SMIM41: variants seen among roughly 807,000 people sequenced by gnomAD.
SMIM41 encodes the protein small integral membrane protein 41.
intron 1 of SMIM41, among the ~76,000 whole-genome samples, chr12:52,083,409 G>A (rs1413462812): frequency 1.3e-5 from 2 of 152,190 alleles, no homozygotes; most frequent in Admixed American, 1.3e-4. Flanking sequence ...CTAGGAATTA[G>A]TGGTTTGTTC....
At chr12:52,103,251 C>T (rs184526017) in intron 2 of SMIM41, among the ~76,000 whole-genome samples, 39 of 150,012 alleles carry the variant, frequency 2.6e-4, no homozygotes, top group Admixed American at 2.7e-4. Context: ...CGCTTGAACC[C>T]GGGAGGTGGA....
intron 2 of SMIM41, among the ~76,000 whole-genome samples, chr12:52,087,226 C>T (rs1939906777): frequency 6.6e-6 from 1 of 152,250 alleles, no homozygotes; most frequent in South Asian, 2.1e-4. Flanking sequence ...AGCCACCCCG[C>T]TTCCTCCTTA....
intron 1 of SMIM41, among the ~76,000 whole-genome samples, chr12:52,083,583 C>T (rs1939848489): frequency 6.6e-6 from 1 of 152,196 alleles, no homozygotes; most frequent in African/African-American, 2.4e-5. Flanking sequence ...CGCCAGCACT[C>T]GGCTGCCCCC....
chr12:52,091,708 C>T (rs1040715525), intron 2 of SMIM41, among the ~76,000 whole-genome samples: 8 of 152,144 alleles, frequency 5.3e-5, no homozygotes, highest in Admixed American at 6.5e-5. Flanking sequence ...GGGAGGAGGG[C>T]GGAACTGTAG....
chr12:52,091,892 A>C (rs1221395947), intron 2 of SMIM41: 1 of 152,216 alleles, frequency 6.6e-6, no homozygotes, highest in African/African-American at 2.4e-5. Context: ...AGACTTACAG[A>C]TATTGTCAGG....
chr12:52,097,477 G>A lies in SMIM41; in HGVS notation c.*196-9902G>A, dbSNP rs562910991. Among the ~76,000 whole-genome samples, 147 of 152,186 alleles carry A rather than the reference G, an allele frequency of 9.7e-4. 1 individual carries two copies. Among genetic ancestry groups the A allele is most frequent in the African/African-American group, 3.5e-3 (147 of 41,510 alleles). The stretch of plus-strand genomic sequence containing the variant: ...CGCTGGGGTGTGGACACTCCCCGCT[G>A]ATGCGCAGAGTGATATCAACCCCGG... On this transcript the variant is annotated intron_variant, in intron 2 of 2. Coordinates refer to ENST00000546390, the MANE Select transcript of SMIM41 (RefSeq NM_001369216.1).
chr12:52,104,774 C>G (rs1940298141), intron 2 of SMIM41, among the ~76,000 whole-genome samples: 1 of 152,038 alleles, frequency 6.6e-6, no homozygotes, highest in South Asian at 2.1e-4. Flanking sequence ...GGGAATGAGT[C>G]CCTCTAAACT....
rs2120642377 is a variant in SMIM41, at chr12:52,080,004, G to C, written c.225G>C (p.Ala75=). 1 of 375,640 alleles carries C rather than the reference G, an allele frequency of 2.7e-6. No homozygotes were observed. Among genetic ancestry groups the C allele is most frequent in the South Asian group, 1.3e-4 (1 of 7,714 alleles). The allele number at this position is 375,640 out of a possible 1,614,324, so 23.3% of individuals were successfully genotyped here. A position where few individuals can be genotyped will look rare whatever the true frequency, so the allele number is the denominator to read the frequency against. ...LTALLTREQR[A]SREPEPGSAS... is the part of the protein sequence containing the mutation. ...CGCTGCTGACCCGCGAGCAGCGCGC[G>C]TCCCGCGAGCCCGAGCCGGGCAGTG... The change falls in exon 1 of 3, where the codon GCG becomes GCC. Residue 75 remains alanine (A), a synonymous_variant. Coordinates refer to ENST00000546390, the MANE Select transcript of SMIM41 (RefSeq NM_001369216.1).
chr12:52,105,205 TG>T (rs1380684681), intron 2 of SMIM41, among the ~76,000 whole-genome samples: 1 of 152,108 alleles, frequency 6.6e-6, no homozygotes, highest in Non-Finnish European at 1.5e-5. Flanking sequence ...GCTAGACCAG[TG>T]GGTGCCACAA....
intron 2 of SMIM41, among the ~76,000 whole-genome samples, chr12:52,084,408 A>G (rs1439661525): frequency 1.3e-5 from 2 of 151,654 alleles, no homozygotes; most frequent in East Asian, 1.9e-4. Context: ...ACAAACAAAA[A>G]CCACAAAAAA....
intron 2 of SMIM41, chr12:52,104,323 TA>T: frequency 6.5e-6 from 1 of 154,478 alleles, no homozygotes; most frequent in South Asian, 2.1e-4. Flanking sequence ...CATAGAATAG[TA>T]AATAGTCTGT....
Position 52,107,864 on chromosome 12 carries a change from A to C in SMIM41, c.*681A>C. On this transcript the variant is annotated 3_prime_UTR_variant, in exon 3 of 3. Transcript: ENST00000546390. ...TGCTTCAAGGAGGTGGACATTCCTA[A>C]TTTCTTCTGTGACCTTTCTCAACTC... The C allele has an allele frequency of 3.1e-6, 1 of 318,764 alleles. No homozygotes were observed. Among genetic ancestry groups the C allele is most frequent in the Non-Finnish European group, 6.1e-6 (1 of 164,074 alleles). 19.7% of individuals were successfully genotyped at this position (318,764 alleles called of 1,614,324 possible).
In SMIM41 at chr12:52,088,136, G is replaced by C. The variant is rs190992530; in HGVS notation, c.*195+4168G>C. ...GAGACAGAGGGGTCGCTGTCCCACA[G>C]AGCCTGCGCACTTGCTGGTGGGAAG... On this transcript the variant is annotated intron_variant, in intron 2 of 2. Transcript: ENST00000546390. Among the ~76,000 whole-genome samples the C allele has an allele frequency of 9.4e-4, 143 of 152,342 alleles. 1 individual carries two copies. Among genetic ancestry groups the C allele is most frequent in the African/African-American group, 3.4e-3 (143 of 41,580 alleles).
chr12:52,080,315 T>G, intron 1 of SMIM41, 134 bp downstream of exon 1: 1 of 156,030 alleles, frequency 6.4e-6, no homozygotes. Flanking sequence ...CGACTCAGGT[T>G]CCCAGCTCTG....
chr12:52,108,227 TA>T lies in SMIM41; in HGVS notation c.*1048del. On this transcript the variant is annotated 3_prime_UTR_variant, in exon 3 of 3. Transcript: ENST00000546390. Reference sequence around the variant, plus strand: ...TCTACAGCCTGGGAAACAGGGATATTAAAAGTGTCTTGCGGCGGCCGCACGG... The same window carrying T: ...TCTACAGCCTGGGAAACAGGGATATTAAAGTGTCTTGCGGCGGCCGCACGG... The T allele has an allele frequency of 5.5e-6, 1 of 181,014 alleles. No individual in the cohort carries two copies. Among genetic ancestry groups the T allele is most frequent in the Non-Finnish European group, 1.2e-5 (1 of 86,806 alleles). 11.2% of individuals were successfully genotyped at this position (181,014 alleles called of 1,614,324 possible).
intron 2 of SMIM41, among the ~76,000 whole-genome samples, chr12:52,098,170 A>T (rs925295187): frequency 1.3e-5 from 2 of 152,108 alleles, no homozygotes; most frequent in South Asian, 4.1e-4. Context: ...TGGGAGTGAT[A>T]TCATCCTCTC....
At chr12:52,102,561 T>G (rs1940238588) in intron 2 of SMIM41, among the ~76,000 whole-genome samples, 1 of 152,184 alleles carries the variant, frequency 6.6e-6, no homozygotes, top group East Asian at 1.9e-4. Context: ...CCATTAACAA[T>G]GGTCAGAAGA....
chr12:52,088,955 C>A (rs1939938241), intron 2 of SMIM41, among the ~76,000 whole-genome samples: 1 of 151,934 alleles, frequency 6.6e-6, no homozygotes, highest in Admixed American at 6.6e-5. Flanking sequence ...GGCACCGAGT[C>A]TTCAGTGGCC....
At chr12:52,106,323 C>G (rs1940338313) in intron 2 of SMIM41, among the ~76,000 whole-genome samples, 1 of 151,998 alleles carries the variant, frequency 6.6e-6, no homozygotes, top group Admixed American at 6.6e-5. Context: ...ATCAGTGTGA[C>G]TTCGACTTAC....
Sources: gnomAD v4.1 joint callset for allele counts (sites outside exome capture counted in the v4.1 genomes callset) on GRCh38, gnomAD v4.1.1 for gene constraint, MANE v1.5 for transcripts, NCBI Gene and HGNC (gene_info 2026-07-23, HGNC 2026-07-21) for gene names.